Variants in NUP35 observed in about 807,000 individuals in gnomAD.
NUP35 encodes the protein nucleoporin NUP35.
Under a neutral mutation model 41.5 loss-of-function variants are expected in NUP35, and 25 were observed. That is an observed-to-expected ratio of 0.60 (90% confidence interval 0.44 to 0.84). The LOEUF (loss-of-function observed/expected upper bound fraction) is 0.84, where lower values mean the gene tolerates loss of function less well. NUP35 is among the 40% of genes least tolerant of loss of function. The probability of loss-of-function intolerance (pLI) is 0.00; values close to 1 mark genes in which losing one functional copy is unlikely to be tolerated. For synonymous variants in NUP35, 149 were observed against 130.7 expected (o/e 1.14, Z -0.96); for missense variants, 396 against 396.6 (o/e 1.00, Z 0.01).
chr2:183,141,562 A>G (rs1452240759), intron 4 of NUP35, among the ~76,000 whole-genome samples: 2 of 152,224 alleles, frequency 1.3e-5, no homozygotes, highest in Non-Finnish European at 2.9e-5. Context: ...TACTGTGACT[A>G]TGTAAATACT....
At chr2:183,122,482 G>A (rs7608545), upstream of NUP35, among the ~76,000 whole-genome samples, 90,559 of 152,040 alleles carry the variant, frequency 0.6, 29,659 homozygotes, top group East Asian at 0.98. Flanking sequence ...AAATGGTGCC[G>A]TATATGCATG....
intron 4 of NUP35, among the ~76,000 whole-genome samples, chr2:183,138,271 T>A (rs796259564): frequency 0.042 from 2,247 of 54,000 alleles, 46 homozygotes; most frequent in East Asian, 0.15. Context: ...ATATATATAT[T>A]TTTTTTTTTT....
At chr2:183,140,047 C>T (rs1454318361) in intron 4 of NUP35, among the ~76,000 whole-genome samples, 1 of 152,166 alleles carries the variant, frequency 6.6e-6, no homozygotes, top group African/African-American at 2.4e-5. Context: ...TGAATAAAAA[C>T]TATCCTTATT....
intron 3 of NUP35, among the ~76,000 whole-genome samples, chr2:183,132,989 A>G (rs894249603): frequency 6.6e-6 from 1 of 152,156 alleles, no homozygotes. Flanking sequence ...GTTCTCATTT[A>G]TTGATTGGAT....
intron 4 of NUP35, among the ~76,000 whole-genome samples, chr2:183,137,844 C>T (rs890033849): frequency 1.3e-5 from 2 of 151,398 alleles, no homozygotes; most frequent in Non-Finnish European, 1.5e-5. Context: ...ATTTTAGTGG[C>T]TCTCTTAGTT....
chr2:183,149,463 T>G lies in NUP35; in HGVS notation c.398-2045T>G, dbSNP rs890630390. Among the ~76,000 whole-genome samples the G allele has an allele frequency of 2.6e-5, 4 of 152,368 alleles. No individual in the cohort carries two copies. In the East Asian group the frequency reaches 7.7e-4, roughly 29 times the overall value. ...TTTAAAAATCTTTTTAGTGTCTGGCTTAATAAAATACCTGTGAATTCTCAT... is the reference window on the plus strand; with the variant it reads ...TTTAAAAATCTTTTTAGTGTCTGGCGTAATAAAATACCTGTGAATTCTCAT... On this transcript the variant is annotated intron_variant, in intron 4 of 8. Coordinates refer to ENST00000295119, the MANE Select transcript of NUP35 (RefSeq NM_138285.5).
At chr2:183,138,269 A>ATATATATATATTTTTTTT in intron 4 of NUP35, among the ~76,000 whole-genome samples, 2 of 80,698 alleles carry the variant, frequency 2.5e-5, no homozygotes, top group South Asian at 4.8e-4. Context: ...ATATATATAT[A>ATATATATATATTTTTTTT]TTTTTTTTTT....
At position 183,137,384 on chromosome 2, in the gene NUP35, A is replaced by G. The variant is rs1344982178; in HGVS notation, c.397+3761A>G. 5.9e-5 allele frequency among the ~76,000 whole-genome samples: 9 copies of G among 152,278 alleles called. No individual in the cohort carries two copies. The East Asian group carries it at 1.7e-3, about 29-fold the overall frequency. ...ACTTGAGTCCAGGAGTTTTGAGACCAGCCTGGGCAACATAGTGAGATGCCT... is the reference window on the plus strand; with the variant it reads ...ACTTGAGTCCAGGAGTTTTGAGACCGGCCTGGGCAACATAGTGAGATGCCT... On this transcript the variant is annotated intron_variant, in intron 4 of 8. Coordinates refer to ENST00000295119, the MANE Select transcript of NUP35 (RefSeq NM_138285.5).
At chr2:183,122,103 A>T (rs10931061), upstream of NUP35, among the ~76,000 whole-genome samples, 11 of 147,986 alleles carry the variant, frequency 7.4e-5, no homozygotes, top group South Asian at 6.4e-4. Context: ...TTGGACACAG[A>T]GTCTCGCTCT....
chr2:183,156,859 A>G (rs553648562), intron 5 of NUP35, among the ~76,000 whole-genome samples: 1 of 152,330 alleles, frequency 6.6e-6, no homozygotes, highest in African/African-American at 2.4e-5. Context: ...ACCATACAGA[A>G]CTTTATAAAG....
intron 1 of NUP35, chr2:183,118,431 C>G (rs1575106360): frequency 6.6e-6 from 1 of 152,094 alleles, no homozygotes; most frequent in African/African-American, 2.4e-5. Flanking sequence ...ATAAACAGGT[C>G]TTCATTTTAT....
chr2:183,152,260 A>C (rs1262168558), intron 5 of NUP35, among the ~76,000 whole-genome samples: 3 of 152,166 alleles, frequency 2.0e-5, no homozygotes, highest in African/African-American at 7.2e-5. Flanking sequence ...GTCCAAAAAA[A>C]ACTTTAAAAT....
intron 4 of NUP35, among the ~76,000 whole-genome samples, chr2:183,138,201 T>A (rs1057130578): frequency 6.8e-6 from 1 of 146,814 alleles, no homozygotes; most frequent in Non-Finnish European, 1.5e-5. Flanking sequence ...AAAAAGAGAA[T>A]TGACAGGAAA....
intron 4 of NUP35, among the ~76,000 whole-genome samples, chr2:183,140,534 A>G (rs1685053536): frequency 6.6e-6 from 1 of 152,156 alleles, no homozygotes; most frequent in South Asian, 2.1e-4. Flanking sequence ...ATAAATTCAG[A>G]TGGTTTTAGA....
chr2:183,150,176 A>T (rs750356668), intron 4 of NUP35, among the ~76,000 whole-genome samples: 1 of 152,220 alleles, frequency 6.6e-6, no homozygotes, highest in Non-Finnish European at 1.5e-5. Context: ...AAGTGTTGGG[A>T]TGACAGGTGT....
Position 183,128,679 on chromosome 2 carries a change from C to T in NUP35, c.211+222C>T, listed in dbSNP as rs1049174017. ...ATTTGTGTTGGGCAACATTCAAAGC[C>T]ATCCTGGGCTTCATGCGGTGTTCAA... On this transcript the variant is annotated intron_variant, in intron 2 of 8. Coordinates refer to ENST00000295119, the MANE Select transcript of NUP35 (RefSeq NM_138285.5). Among the ~76,000 whole-genome samples, 3 of 151,768 alleles carry T rather than the reference C, an allele frequency of 2.0e-5. No individual in the cohort carries two copies. The East Asian group carries it at 5.8e-4, about 29-fold the overall frequency.
intron 4 of NUP35, among the ~76,000 whole-genome samples, chr2:183,139,838 C>T (rs929752308): frequency 1.3e-5 from 2 of 152,112 alleles, no homozygotes; most frequent in Non-Finnish European, 2.9e-5. Flanking sequence ...GGACTTTGGG[C>T]CTCCATAATT....
At chr2:183,150,578 A>C (rs1383135379) in intron 4 of NUP35, among the ~76,000 whole-genome samples, 3 of 151,958 alleles carry the variant, frequency 2.0e-5, no homozygotes, top group Admixed American at 6.6e-5. Flanking sequence ...CACCCACACA[A>C]ATTGGCCCTG....
rs34264626 is a variant in NUP35 at position 183,133,638 on chromosome 2, CTTTT to C, written c.397+29_397+32del. The C allele has an allele frequency of 2.4e-4, 328 of 1,341,806 alleles. No homozygotes were observed. Among genetic ancestry groups the C allele is most frequent in the Admixed American group, 7.4e-4 (27 of 36,598 alleles). The allele number at this position is 1,341,806 out of a possible 1,614,324, so 83.1% of individuals were successfully genotyped here. On this transcript the variant is annotated intron_variant, in intron 4 of 8. Transcript: ENST00000295119. ...TCCTGGAACAGGTAAGTGATTCTTT[CTTTT>C]TTTTTTTTTTTTTAAAAGACAGGGT...
Sources: gnomAD v4.1 joint callset for allele counts (sites outside exome capture counted in the v4.1 genomes callset) on GRCh38, gnomAD v4.1.1 for gene constraint, MANE v1.5 for transcripts, NCBI Gene and HGNC (gene_info 2026-07-23, HGNC 2026-07-21) for gene names.